Variants in IQUB observed in about 807,000 individuals in gnomAD.
The protein encoded by IQUB is IQ motif and ubiquitin-like domain-containing protein.
Under a neutral mutation model 86.4 loss-of-function variants are expected in IQUB, and 86 were observed. The ratio of observed to expected loss-of-function variants is 1.00; its 90% confidence interval spans 0.84 to 1.19. The LOEUF (loss-of-function observed/expected upper bound fraction) is 1.19. Ranked by LOEUF, IQUB falls within the 50% of genes most tolerant of loss-of-function variation. The probability of loss-of-function intolerance (pLI) is 0.00; values close to 1 mark genes in which losing one functional copy is unlikely to be tolerated. For synonymous variants in IQUB, 289 were observed against 304.5 expected (o/e 0.95, Z 0.53); for missense variants, 946 against 916.9 (o/e 1.03, Z -0.41).
intron 12 of IQUB, among the ~76,000 whole-genome samples, chr7:123,455,379 C>T (rs1007537936): frequency 1.3e-5 from 2 of 152,104 alleles, no homozygotes; most frequent in African/African-American, 2.4e-5. Flanking sequence ...TCCCTGTTCC[C>T]TCAACCTCTG....
At chr7:123,458,716 T>C in intron 11 of IQUB, among the ~76,000 whole-genome samples, 1 of 152,022 alleles carries the variant, frequency 6.6e-6, no homozygotes, top group East Asian at 1.9e-4. Context: ...AAATGTCAAA[T>C]GTGCACATAA....
chr7:123,479,990 G>C lies in IQUB; in HGVS notation c.1235-20C>G, dbSNP rs1444379202. The C allele has an allele frequency of 6.4e-7, 1 of 1,568,990 alleles. No homozygotes were observed. The highest frequency in any genetic ancestry group is 1.4e-5 in the African/African-American group (1 of 72,486). Reference sequence around the variant, plus strand: ...GCCAGACTAGAGGAATAACACAATAGACTCTTGAGTTTTTAAAAATCCCAT... The same window carrying C: ...GCCAGACTAGAGGAATAACACAATACACTCTTGAGTTTTTAAAAATCCCAT... On this transcript the variant is annotated intron_variant, in intron 7 of 12. Transcript: ENST00000324698.
intron 7 of IQUB, among the ~76,000 whole-genome samples, chr7:123,489,763 A>T (rs1795377165): frequency 6.6e-6 from 1 of 151,930 alleles, no homozygotes; most frequent in South Asian, 2.1e-4. Flanking sequence ...AGTGTTAAAA[A>T]TGTCAACATA....
chr7:123,496,626 G>A lies in IQUB; in HGVS notation c.1234+70C>T. 8 of 910,646 alleles carry A rather than the reference G, an allele frequency of 8.8e-6. No individual in the cohort carries two copies. In the South Asian group the frequency reaches 1.6e-4, roughly 18 times the overall value. 56.4% of individuals were successfully genotyped at this position (910,646 alleles called of 1,614,324 possible). ...AAATAATAACACCTTCCTTTTGTCT[G>A]CAGTAAATCTGTTTTTCCTATTAAT... is the stretch of plus-strand genomic sequence containing the variant. On this transcript the variant is annotated intron_variant, in intron 7 of 12. Coordinates refer to ENST00000324698, the MANE Select transcript of IQUB (RefSeq NM_178827.5).
rs369413240 is a variant in IQUB at position 123,502,971 on chromosome 7, T to C, written c.840A>G (p.Arg280=). 6.8e-6 allele frequency: 11 copies of C among 1,611,688 alleles called. No homozygotes were observed. The African/African-American group carries it at 1.5e-4, about 22-fold the overall frequency. ...TQTVPKRIPE[R]LSIFCRDTQT... Reference sequence around the variant, plus strand: ...GCGTATCCCTACAAAATATACTGAGTCTTTCGGGAATCCTTTTAGGTACAG... The same window carrying C: ...GCGTATCCCTACAAAATATACTGAGCCTTTCGGGAATCCTTTTAGGTACAG... Residue 280 remains arginine (R), a synonymous_variant, in exon 5 of 13, where the codon AGA becomes AGG. Coordinates refer to ENST00000324698, the MANE Select transcript of IQUB (RefSeq NM_178827.5).
intron 1 of IQUB, among the ~76,000 whole-genome samples, chr7:123,518,876 G>A (rs191081253): frequency 4.6e-5 from 7 of 152,292 alleles, no homozygotes; most frequent in Admixed American, 3.9e-4. Flanking sequence ...TTACAGGCAT[G>A]AGCCACTGCA....
chr7:123,528,125 C>T (rs962992412), intron 1 of IQUB, among the ~76,000 whole-genome samples: 1 of 152,214 alleles, frequency 6.6e-6, no homozygotes, highest in African/African-American at 2.4e-5. Context: ...AGGGAACTCC[C>T]TGACCCCTTG....
intron 7 of IQUB, among the ~76,000 whole-genome samples, chr7:123,491,506 C>T (rs1795460312): frequency 6.6e-6 from 1 of 152,066 alleles, no homozygotes; most frequent in African/African-American, 2.4e-5. Flanking sequence ...GAGGTAACAT[C>T]ACTATAGATC....
chr7:123,518,607 C>T (rs1415996684), intron 1 of IQUB, among the ~76,000 whole-genome samples: 2 of 152,008 alleles, frequency 1.3e-5, no homozygotes, highest in Non-Finnish European at 2.9e-5. Flanking sequence ...TTACTACAAA[C>T]ATTTTTTGAG....
chr7:123,502,546 T>G (rs1795990633), intron 6 of IQUB, 51 bp downstream of exon 6: 2 of 1,517,984 alleles, frequency 1.3e-6, no homozygotes, highest in African/African-American at 2.8e-5. Flanking sequence ...TCGGAACAAC[T>G]GGCTTATATA....
chr7:123,454,991 G>A (rs996633598), intron 12 of IQUB, among the ~76,000 whole-genome samples: 1 of 152,080 alleles, frequency 6.6e-6, no homozygotes, highest in Non-Finnish European at 1.5e-5. Flanking sequence ...CACATTTAAA[G>A]GGTAGAGAGT....
chr7:123,490,658 C>T (rs151192200), intron 7 of IQUB, among the ~76,000 whole-genome samples: 91 of 152,204 alleles, frequency 6.0e-4, no homozygotes, highest in African/African-American at 2.1e-3. Context: ...AAATAAGTAT[C>T]AATAAATTTA....
At chr7:123,530,244 C>T (rs540842314) in intron 1 of IQUB, among the ~76,000 whole-genome samples, 198 of 150,756 alleles carry the variant, frequency 1.3e-3, no homozygotes, top group African/African-American at 4.8e-3. Flanking sequence ...GAGACCATCC[C>T]GGCCAACATG....
intron 3 of IQUB, among the ~76,000 whole-genome samples, chr7:123,507,605 G>C (rs1462108507): frequency 6.6e-6 from 1 of 152,094 alleles, no homozygotes. Context: ...TGAGGGCCAG[G>C]TGCAGTGGCT....
At chr7:123,474,877 G>A (rs1324124854) in intron 8 of IQUB, among the ~76,000 whole-genome samples, 2 of 152,118 alleles carry the variant, frequency 1.3e-5, no homozygotes, top group Non-Finnish European at 2.9e-5. Context: ...GGGTAACTGT[G>A]GGTTTAGAAC....
intron 6 of IQUB, among the ~76,000 whole-genome samples, chr7:123,497,729 T>A (rs2117175831): frequency 6.6e-6 from 1 of 150,464 alleles, no homozygotes; most frequent in African/African-American, 2.4e-5. Context: ...GTAGAAAAAC[T>A]ATGTAAAGCA....
intron 5 of IQUB, 82 bp from the exon 6 acceptor site, chr7:123,502,834 TTC>T (rs1261193970): frequency 2.9e-6 from 4 of 1,374,226 alleles, no homozygotes; most frequent in South Asian, 1.4e-5. Flanking sequence ...TGAGTTCATT[TTC>T]TTTTATTAAT....
At chr7:123,529,478 T>G (rs936841183) in intron 1 of IQUB, among the ~76,000 whole-genome samples, 8 of 31,984 alleles carry the variant, frequency 2.5e-4, no homozygotes, top group South Asian at 7.3e-4. Flanking sequence ...GTCTCTAGTG[T>G]TTTTTTTTTG....
At chr7:123,477,325 A>G (rs1794792133) in intron 8 of IQUB, among the ~76,000 whole-genome samples, 1 of 152,212 alleles carries the variant, frequency 6.6e-6, no homozygotes, top group Non-Finnish European at 1.5e-5. Context: ...CCTGACAAAA[A>G]CAAGAAATGG....
Sources: allele counts gnomAD v4.1 joint callset (sites outside exome capture counted in the v4.1 genomes callset), GRCh38; gene constraint gnomAD v4.1.1; transcripts MANE v1.5; gene names NCBI Gene and HGNC (gene_info 2026-07-23, HGNC 2026-07-21).